The following ZNF76 variants were observed in gnomAD, a reference collection of about 807,000 sequenced individuals.
ZNF76 encodes zinc finger protein 523.
Under a neutral mutation model 66.9 loss-of-function variants are expected in ZNF76, and 66 were observed. The observed-to-expected ratio is 0.99, with a 90% CI of 0.81 to 1.21. The LOEUF is 1.21. ZNF76 is among the 50% of genes most tolerant of loss of function. The pLI, the probability that ZNF76 is intolerant of heterozygous loss-of-function variation, is 0.00. For missense variants in ZNF76, 729 were observed against 760.3 expected (o/e 0.96, Z 0.48); for synonymous variants, 275 against 296.1 (o/e 0.93, Z 0.73).
At position 35,292,527 on chromosome 6, in the gene ZNF76, AC is replaced by A; in HGVS notation, c.932-21del. 10 of 1,540,618 alleles carry A rather than the reference AC, an allele frequency of 6.5e-6. No homozygotes were observed. Among genetic ancestry groups the A allele is most frequent in the Non-Finnish European group, 8.8e-6 (10 of 1,141,982 alleles). On this transcript the variant is annotated intron_variant, in intron 9 of 13. Transcript: ENST00000373953. The surrounding 1 kb of genome is among the most constrained non-coding windows in gnomAD (Gnocchi z 4.7). ...TTCCCCCTTGCCAGCCCCAGTTCCC[AC>A]CCCCCTCACAGCCCAGTGTCCCCAG...
intron 11 of ZNF76, 46 bp from the exon 12 acceptor site, chr6:35,293,705 A>G (rs1203095827): frequency 6.3e-7 from 1 of 1,598,176 alleles, no homozygotes; most frequent in South Asian, 1.1e-5. Context: ...ACTTTCAGAC[A>G]ACCCTCCACT....
At chr6:35,281,949 A>T (rs1197379802) in intron 2 of ZNF76, among the ~76,000 whole-genome samples, 1 of 151,712 alleles carries the variant, frequency 6.6e-6, no homozygotes, top group Admixed American at 6.6e-5. Flanking sequence ...AAAAAAAAAA[A>T]AAAAAAAGAT....
chr6:35,292,079 C>G lies in ZNF76; in HGVS notation c.931+342C>G. 2.2e-6 allele frequency: 1 copy of G among 448,000 alleles called. No homozygotes were observed. Among genetic ancestry groups the G allele is most frequent in the South Asian group, 2.4e-5 (1 of 42,184 alleles). The allele number at this position is 448,000 out of a possible 1,614,324, so 27.8% of individuals were successfully genotyped here. A position where few individuals can be genotyped will look rare whatever the true frequency, so the allele number is the denominator to read the frequency against. ...GGGGAAGAAGCAGAGTGAACTGTCA[C>G]CTTCAACTCCTCACCTTATCCGCCG... On this transcript the variant is annotated intron_variant, in intron 9 of 13. Transcript: ENST00000373953. The surrounding 1 kb of genome is among the most constrained non-coding windows in gnomAD (Gnocchi z 4.7).
At position 35,291,699 on chromosome 6, in the gene ZNF76, G is replaced by A; in HGVS notation, c.893G>A (p.Ser298Asn). ...CCCCACTGTGGCCGCGGCTTCACCA[G>A]CGCCACCAACTATAAGAATCACGTG... Reference protein sequence around the residue: ...PEPHCGRGFTSATNYKNHVRI... With the variant: ...PEPHCGRGFTNATNYKNHVRI... Residue 298 changes from serine to asparagine, a missense_variant, in exon 9 of 14, where the codon AGC (serine) becomes AAC (asparagine). Ser to Asn is a conservative substitution (Grantham distance 46). Coordinates refer to ENST00000373953, the MANE Select transcript of ZNF76 (RefSeq NM_003427.5). 1 of 1,612,550 alleles carries A rather than the reference G, an allele frequency of 6.2e-7. No individual in the cohort carries two copies. The highest frequency in any genetic ancestry group is 8.5e-7 in the Non-Finnish European group (1 of 1,179,984).
chr6:35,281,320 C>G (rs540630437), intron 2 of ZNF76, 96 bp downstream of exon 2: 3 of 1,167,780 alleles, frequency 2.6e-6, no homozygotes, highest in Non-Finnish European at 3.8e-6. Flanking sequence ...CTTGCCCTCC[C>G]GCCTGCTTAC....
chr6:35,290,791 C>G, intron 7 of ZNF76, 75 bp downstream of exon 7: 3 of 1,396,536 alleles, frequency 2.1e-6, no homozygotes, highest in Non-Finnish European at 3.0e-6. Flanking sequence ...CTGAAGGGAA[C>G]CCAACACCAG....
rs1027969156 is a variant in ZNF76, at chr6:35,293,652, T to G, written c.1330-99T>G. ...TTCCACCACTATGACATGAAACTAA[T>G]AAGCTGACCTTGTCTGGGAGAGCAG... On this transcript the variant is annotated intron_variant, in intron 11 of 13. Coordinates refer to ENST00000373953, the MANE Select transcript of ZNF76 (RefSeq NM_003427.5). 4.4e-5 allele frequency: 63 copies of G among 1,420,682 alleles called. No individual in the cohort carries two copies. The South Asian group carries it at 6.2e-4, about 14-fold the overall frequency. 88.0% of individuals were successfully genotyped at this position (1,420,682 alleles called of 1,614,324 possible). A position where few individuals can be genotyped will look rare whatever the true frequency, so the allele number is the denominator to read the frequency against.
chr6:35,292,479 T>A lies in ZNF76; in HGVS notation c.932-75T>A. 3.3e-6 allele frequency: 5 copies of A among 1,510,930 alleles called. No homozygotes were observed. Among genetic ancestry groups the A allele is most frequent in the Non-Finnish European group, 4.6e-6 (5 of 1,098,044 alleles). The allele number at this position is 1,510,930 out of a possible 1,614,324, so 93.6% of individuals were successfully genotyped here. ...TCTGGCTCTCCCTTCACCAACCCTG[T>A]CCCTCACCCCTGTCCCCTTAGTTTC... On this transcript the variant is annotated intron_variant, in intron 9 of 13. Transcript: ENST00000373953. This position sits in a 1 kb window ranked among gnomAD's most constrained non-coding sequence, Gnocchi z 4.7.
chr6:35,263,851 A>G (rs1785598531), intron 1 of ZNF76, among the ~76,000 whole-genome samples: 2 of 152,120 alleles, frequency 1.3e-5, no homozygotes, highest in African/African-American at 4.8e-5. Flanking sequence ...CCTGAGTTCA[A>G]GTGATTCTCA....
intron 1 of ZNF76, among the ~76,000 whole-genome samples, chr6:35,275,530 G>C (rs2150352624): frequency 1.3e-5 from 2 of 152,222 alleles, no homozygotes; most frequent in Non-Finnish European, 2.9e-5. Flanking sequence ...AACCATCATT[G>C]AAAGAAAGTA....
At chr6:35,290,873 T>TA (rs1487826885) in intron 7 of ZNF76, 157 bp downstream of exon 7, 9 of 711,096 alleles carry the variant, frequency 1.3e-5, no homozygotes, top group Non-Finnish European at 1.7e-5. Context: ...GAAACCTTGT[T>TA]ACGGGAGTGC....
In ZNF76 at chr6:35,291,325, T is replaced by G; in HGVS notation, c.673T>G (p.Tyr225Asp). 6.2e-7 allele frequency: 1 copy of G among 1,613,774 alleles called. No individual in the cohort carries two copies. Among genetic ancestry groups the G allele is most frequent in the Non-Finnish European group, 8.5e-7 (1 of 1,179,880 alleles). ...TCGTACCCACACTGGTGAGAAACCA[T>G]ACAAGTGCCCAGAGGAGCTGTGCAG... ...HVRTHTGEKP[Y>D]KCPEELCSKA... The change falls in exon 8 of 14, where the codon TAC becomes GAC. Residue 225 changes from tyrosine to aspartate, a missense_variant. Transcript: ENST00000373953.
chr6:35,263,713 C>G (rs1785576294), intron 1 of ZNF76, among the ~76,000 whole-genome samples: 1 of 152,112 alleles, frequency 6.6e-6, no homozygotes, highest in Non-Finnish European at 1.5e-5. Flanking sequence ...TTTCTCAACC[C>G]CACTCTGTGA....
chr6:35,293,141 A>G, intron 11 of ZNF76, 97 bp downstream of exon 11: 9 of 1,424,486 alleles, frequency 6.3e-6, no homozygotes, highest in Non-Finnish European at 8.5e-6. Flanking sequence ...CCCCACTGCC[A>G]CCCAGCTTCT....
In ZNF76 at chr6:35,290,257, T is replaced by C; in HGVS notation, c.433-9T>C. 6.2e-7 allele frequency: 1 copy of C among 1,614,132 alleles called. No homozygotes were observed. Among genetic ancestry groups the C allele is most frequent in the Non-Finnish European group, 8.5e-7 (1 of 1,179,982 alleles). On this transcript the variant is annotated splice_polypyrimidine_tract_variant and intron_variant, in intron 5 of 13. Coordinates refer to ENST00000373953, the MANE Select transcript of ZNF76 (RefSeq NM_003427.5). ...AATACATATAGGGATCTCAAGACTT[T>C]TCCCCCAGGTTCTTCATGACAGCCA...
In ZNF76 at chr6:35,282,022, G is replaced by A. The variant is rs2150361527; in HGVS notation, c.73+798G>A. Reference sequence around the variant, plus strand: ...TCTCATGCCCTAATCCCCACTAGGGGATGCCAGAATTGAAAATATAGGACA... The same window carrying A: ...TCTCATGCCCTAATCCCCACTAGGGAATGCCAGAATTGAAAATATAGGACA... On this transcript the variant is annotated intron_variant, in intron 2 of 13. Transcript: ENST00000373953. 1.3e-5 allele frequency among the ~76,000 whole-genome samples: 2 copies of A among 152,086 alleles called. 1 individual carries two copies. The highest frequency in any genetic ancestry group is 4.2e-4 in the South Asian group (2 of 4,814).
intron 1 of ZNF76, among the ~76,000 whole-genome samples, chr6:35,261,309 A>G (rs955060177): frequency 9.2e-5 from 14 of 152,284 alleles, no homozygotes; most frequent in African/African-American, 2.6e-4. Flanking sequence ...TTATGTTGCT[A>G]CTACTGACAT....
intron 1 of ZNF76, among the ~76,000 whole-genome samples, chr6:35,260,362 G>A (rs1393874820): frequency 1.3e-5 from 2 of 151,800 alleles, no homozygotes; most frequent in East Asian, 1.9e-4. Flanking sequence ...CTCTGCTGGC[G>A]ACTCCTAAGC....
intron 3 of ZNF76, 42 bp from the exon 4 acceptor site, chr6:35,286,280 G>T: frequency 6.2e-7 from 1 of 1,613,396 alleles, no homozygotes; most frequent in Middle Eastern, 1.6e-4. Flanking sequence ...CCCCTCCATG[G>T]CACTGAGCTC....
Sources: allele counts gnomAD v4.1 joint callset (sites outside exome capture counted in the v4.1 genomes callset), GRCh38; gene constraint gnomAD v4.1.1; non-coding constraint Gnocchi (gnomAD v3.1); transcripts MANE v1.5; gene names NCBI Gene and HGNC (gene_info 2026-07-23, HGNC 2026-07-21).